MED27: variants seen among roughly 807,000 people sequenced by gnomAD.
The protein encoded by MED27 is mediator complex subunit 27.
In MED27, 30 loss-of-function variants were observed where a neutral mutation model predicts 38.2. That is an observed-to-expected ratio of 0.79 (90% confidence interval 0.59 to 1.07). The LOEUF (loss-of-function observed/expected upper bound fraction) is 1.07, where lower values mean the gene tolerates loss of function less well. MED27 is among the 50% of genes least tolerant of loss of function. The probability of loss-of-function intolerance (pLI) is 0.00; values close to 1 mark genes in which losing one functional copy is unlikely to be tolerated. For missense variants in MED27, 289 were observed against 397.5 expected (o/e 0.73, Z 2.32); for synonymous variants, 122 against 153.5 (o/e 0.79, Z 1.52).
intron 3 of MED27, among the ~76,000 whole-genome samples, chr9:131,956,519 G>A (rs921293876): frequency 2.0e-5 from 3 of 151,820 alleles, no homozygotes; most frequent in Admixed American, 1.3e-4. Context: ...AGGAGGCTGA[G>A]GCACAAGAAT....
At chr9:132,069,237 A>G (rs995079072) in intron 2 of MED27, among the ~76,000 whole-genome samples, 1 of 152,178 alleles carries the variant, frequency 6.6e-6, no homozygotes, top group Non-Finnish European at 1.5e-5. Flanking sequence ...CGGCAAGTTG[A>G]CACACGTCCA....
At chr9:132,002,929 G>A (rs3935102) in intron 3 of MED27, among the ~76,000 whole-genome samples, 80,500 of 134,354 alleles carry the variant, frequency 0.6, 25,765 homozygotes, top group Non-Finnish European at 0.67. Flanking sequence ...AAAAAAAAAA[G>A]AAAAAAGAAA....
In MED27 at chr9:132,051,374, C is replaced by T. The variant is rs778203972; in HGVS notation, c.348+26068G>A. Among the ~76,000 whole-genome samples the T allele has an allele frequency of 5.9e-5, 9 of 152,142 alleles. No homozygotes were observed. The East Asian group carries it at 7.7e-4, about 13-fold the overall frequency. On this transcript the variant is annotated intron_variant, in intron 2 of 7. Transcript: ENST00000292035. The surrounding 1 kb of genome is among the most constrained non-coding windows in gnomAD (Gnocchi z 4.2). ...TGTACTTTGTTCTGAAGTCTAACTA[C>T]GTTGGGGAAAAAAGAGGGCTTGTCT...
At chr9:132,057,513 T>C (rs1471593155) in intron 2 of MED27, among the ~76,000 whole-genome samples, 3 of 152,216 alleles carry the variant, frequency 2.0e-5, no homozygotes, top group Non-Finnish European at 2.9e-5. Flanking sequence ...CACATGCATA[T>C]GGTGTTTAAA....
intron 3 of MED27, among the ~76,000 whole-genome samples, chr9:131,973,538 A>G (rs1589243299): frequency 1.4e-5 from 2 of 146,904 alleles, no homozygotes; most frequent in African/African-American, 5.1e-5. Flanking sequence ...GCTCACTACA[A>G]CCTCCGCCTC....
At chr9:132,022,906 C>T (rs1832747486) in intron 2 of MED27, among the ~76,000 whole-genome samples, 1 of 152,130 alleles carries the variant, frequency 6.6e-6, no homozygotes, top group Non-Finnish European at 1.5e-5. Context: ...GGATCCGCCC[C>T]ATGATCCAAT....
At chr9:132,060,895 G>C (rs1331861449) in intron 2 of MED27, among the ~76,000 whole-genome samples, 1 of 152,168 alleles carries the variant, frequency 6.6e-6, no homozygotes, top group Non-Finnish European at 1.5e-5. Flanking sequence ...GTTGCAGTGA[G>C]TGGAGATCAC....
At position 131,976,220 on chromosome 9, in the gene MED27, C is replaced by A. The variant is rs866967458; in HGVS notation, c.480-36746G>T. On this transcript the variant is annotated intron_variant, in intron 3 of 7. Coordinates refer to ENST00000292035, the MANE Select transcript of MED27 (RefSeq NM_004269.4). ...CTGGTAATTATAAGGGAAAAAATGG[C>A]GGTGAACTAAAGTCAGGTGAGCCCA... Among the ~76,000 whole-genome samples the A allele has an allele frequency of 3.3e-5, 5 of 152,184 alleles. No homozygotes were observed. The South Asian group carries it at 6.2e-4, about 19-fold the overall frequency.
At chr9:131,966,770 C>T (rs1453758094) in intron 3 of MED27, among the ~76,000 whole-genome samples, 1 of 152,164 alleles carries the variant, frequency 6.6e-6, no homozygotes, top group African/African-American at 2.4e-5. Context: ...GTGACCCTAG[C>T]CAAGTCACTT....
intron 6 of MED27, among the ~76,000 whole-genome samples, chr9:131,870,662 GGGGATGAAGAAAA>G (rs1222134306): frequency 7.9e-5 from 12 of 152,136 alleles, no homozygotes; most frequent in Middle Eastern, 3.2e-3. Flanking sequence ...GGGGTTGTGG[GGGGATGAAGAAAA>G]GTGCCATTTC....
intron 3 of MED27, among the ~76,000 whole-genome samples, chr9:132,012,960 T>C (rs186278627): frequency 4.1e-4 from 62 of 152,298 alleles, no homozygotes; most frequent in Admixed American, 1.0e-3. Context: ...TCAACTCATA[T>C]ATGCCAACAC....
chr9:131,863,408 G>A (rs985549362), intron 6 of MED27, among the ~76,000 whole-genome samples: 1 of 152,210 alleles, frequency 6.6e-6, no homozygotes, highest in Non-Finnish European at 1.5e-5. Flanking sequence ...GGCCAGGCTG[G>A]AGCACTGGCA....
chr9:132,005,566 T>C (rs1456885202), intron 3 of MED27, among the ~76,000 whole-genome samples: 1 of 152,206 alleles, frequency 6.6e-6, no homozygotes, highest in Non-Finnish European at 1.5e-5. Flanking sequence ...TACCAATCTT[T>C]TAACTTTTGC....
At chr9:131,986,165 TTC>T (rs1831844831) in intron 3 of MED27, among the ~76,000 whole-genome samples, 1 of 152,182 alleles carries the variant, frequency 6.6e-6, no homozygotes, top group Non-Finnish European at 1.5e-5. Flanking sequence ...AGAAAAAATG[TTC>T]TTACAGATTT....
chr9:131,884,408 A>G (rs149120352), intron 5 of MED27, among the ~76,000 whole-genome samples: 2 of 152,258 alleles, frequency 1.3e-5, no homozygotes, highest in East Asian at 3.9e-4. Context: ...CGGCTCTTGC[A>G]TATCTCAATG....
intron 5 of MED27, among the ~76,000 whole-genome samples, chr9:131,886,268 A>G (rs555498980): frequency 6.6e-6 from 1 of 152,218 alleles, no homozygotes; most frequent in African/African-American, 2.4e-5. Flanking sequence ...CTTTTAGGAC[A>G]GTAGAGAAGG....
At chr9:132,041,581 G>A (rs534601274) in intron 2 of MED27, among the ~76,000 whole-genome samples, 1 of 152,336 alleles carries the variant, frequency 6.6e-6, no homozygotes, top group African/African-American at 2.4e-5. Flanking sequence ...GCCTCACACG[G>A]CGTCAGAAGG....
At chr9:132,066,120 C>G (rs1329106103) in intron 2 of MED27, among the ~76,000 whole-genome samples, 1 of 152,204 alleles carries the variant, frequency 6.6e-6, no homozygotes, top group Non-Finnish European at 1.5e-5. Flanking sequence ...GACTCCAGTC[C>G]CCACCCTGGA....
At chr9:132,054,286 T>TGACCATGTGAGGTACCTGCTCC in intron 2 of MED27, among the ~76,000 whole-genome samples, 1 of 152,234 alleles carries the variant, frequency 6.6e-6, no homozygotes, top group African/African-American at 2.4e-5. Flanking sequence ...GCTCCTGCTC[T>TGACCATGTGAGGTACCTGCTCC]GACCATGTGA....
Sources: allele counts gnomAD v4.1 joint callset (sites outside exome capture counted in the v4.1 genomes callset), GRCh38; gene constraint gnomAD v4.1.1; non-coding constraint Gnocchi (gnomAD v3.1); transcripts MANE v1.5; gene names NCBI Gene and HGNC (gene_info 2026-07-23, HGNC 2026-07-21).